The following EFCAB5 variants were observed in gnomAD, a reference collection of about 807,000 sequenced individuals.
EFCAB5 encodes EF-hand calcium binding domain 5, also known as EF-hand calcium-binding domain-containing protein 5.
In EFCAB5, 131 loss-of-function variants were observed where a neutral mutation model predicts 167.9. The ratio of observed to expected loss-of-function variants is 0.78; its 90% confidence interval spans 0.68 to 0.90. EFCAB5 has a LOEUF of 0.90. Among genes scored for constraint, EFCAB5 ranks in the 40% least tolerant of loss-of-function variants. EFCAB5 has a pLI of 0.00. For missense variants in EFCAB5, 1,663 were observed against 1,745.2 expected, an observed-to-expected ratio of 0.95 and a Z score of 0.84; for synonymous variants, 574 against 602.8, an observed-to-expected ratio of 0.95 and a Z score of 0.70.
At chr17:29,954,914 C>A (rs1267558121) in intron 3 of EFCAB5, among the ~76,000 whole-genome samples, 1 of 152,304 alleles carries the variant, frequency 6.6e-6, no homozygotes, top group South Asian at 2.1e-4. Context: ...CAGAGTCAAA[C>A]GAGATCATTT....
upstream of EFCAB5, among the ~76,000 whole-genome samples, chr17:29,937,605 A>AG (rs2067256503): frequency 6.6e-6 from 1 of 152,048 alleles, no homozygotes; most frequent in African/African-American, 2.4e-5. Context: ...AGGGAGTTTG[A>AG]GGGGAGGTTT....
intron 7 of EFCAB5, among the ~76,000 whole-genome samples, chr17:30,007,686 A>T (rs1341936305): frequency 6.6e-6 from 1 of 152,172 alleles, no homozygotes; most frequent in Admixed American, 6.5e-5. Flanking sequence ...TGCATCTCTG[A>T]AATCAGGGTG....
chr17:30,013,574 C>T (rs1177368155), intron 7 of EFCAB5, among the ~76,000 whole-genome samples: 2 of 151,714 alleles, frequency 1.3e-5, no homozygotes, highest in African/African-American at 2.4e-5. Context: ...TTCTAGATTC[C>T]CTAGTTTATT....
At chr17:29,979,110 G>A (rs1422748901) in intron 4 of EFCAB5, among the ~76,000 whole-genome samples, 2 of 152,118 alleles carry the variant, frequency 1.3e-5, no homozygotes, top group African/African-American at 2.4e-5. Context: ...TCAGCACTTT[G>A]GGAGGCCGAG....
chr17:29,951,401 G>A (rs748631309), intron 3 of EFCAB5, among the ~76,000 whole-genome samples: 8 of 152,008 alleles, frequency 5.3e-5, no homozygotes, highest in Non-Finnish European at 7.4e-5. Flanking sequence ...GCAGTGGGGC[G>A]ATCTCCGCTC....
chr17:30,058,898 C>T (rs1350174570), intron 13 of EFCAB5, among the ~76,000 whole-genome samples: 2 of 149,304 alleles, frequency 1.3e-5, no homozygotes, highest in Non-Finnish European at 3.0e-5. Flanking sequence ...TTTTAAAATA[C>T]AGTCTGTGTA....
At chr17:29,953,543 C>G (rs1474709560) in intron 3 of EFCAB5, among the ~76,000 whole-genome samples, 1 of 152,192 alleles carries the variant, frequency 6.6e-6, no homozygotes, top group African/African-American at 2.4e-5. Context: ...CATGTAAGAC[C>G]TGACTTTGCT....
chr17:30,082,987 G>GTCACATCCAGCATCACCTCCA lies in EFCAB5; in HGVS notation c.3528_3548dup (p.Ser1177_Thr1183dup), dbSNP rs2071019432. On this transcript the variant is annotated inframe_insertion, in exon 18 of 23. Transcript: ENST00000394835. ...CACTGGCATAGGCTGGCTTTATGAC[G>GTCACATCCAGCATCACCTCCA]TCACATCCAGCATCACCTCCATCAC... is the stretch of plus-strand genomic sequence containing the variant. 1.9e-6 allele frequency: 3 copies of GTCACATCCAGCATCACCTCCA among 1,613,856 alleles called. No homozygotes were observed. Among genetic ancestry groups the GTCACATCCAGCATCACCTCCA allele is most frequent in the Admixed American group, 3.3e-5 (2 of 59,998 alleles).
intron 4 of EFCAB5, 106 bp downstream of exon 4, chr17:29,969,473 G>A (rs2067905756): frequency 9.8e-7 from 1 of 1,023,814 alleles, no homozygotes; most frequent in African/African-American, 1.6e-5. Context: ...TGATTCTACA[G>A]TTATTCAGAA....
intron 22 of EFCAB5, among the ~76,000 whole-genome samples, chr17:30,094,032 A>G (rs2071248526): frequency 6.6e-6 from 1 of 152,204 alleles, no homozygotes; most frequent in South Asian, 2.1e-4. Flanking sequence ...GAATCTACCC[A>G]GAATGAAATG....
intron 7 of EFCAB5, 52 bp downstream of exon 7, chr17:30,000,028 T>C: frequency 7.2e-7 from 1 of 1,388,606 alleles, no homozygotes; most frequent in South Asian, 1.3e-5. Context: ...TCAGTTTCAA[T>C]TGTCTGTTGG....
Position 29,993,205 on chromosome 17 carries a change from CAA to C in EFCAB5, c.810_811del (p.Glu272LysfsTer23), listed in dbSNP as rs1291234018. ...GGAGAATGTTAAACAGAATAGAAAACAAAGAGAAAGCATAGACAAAATCATAG... is the reference window on the plus strand; with the variant it reads ...GGAGAATGTTAAACAGAATAGAAAACAGAGAAAGCATAGACAAAATCATAG... ...MKENVKQNRK[Q>X]RESIDKIIVK... On this transcript the variant is annotated frameshift_variant, in exon 5 of 23. Transcript: ENST00000394835. LOFTEE classifies it high-confidence loss of function. 6.2e-7 allele frequency: 1 copy of C among 1,612,876 alleles called. No individual in the cohort carries two copies. Among genetic ancestry groups the C allele is most frequent in the Admixed American group, 1.7e-5 (1 of 59,872 alleles).
intron 22 of EFCAB5, among the ~76,000 whole-genome samples, chr17:30,103,128 G>A (rs984762988): frequency 2.0e-5 from 3 of 151,458 alleles, no homozygotes; most frequent in Non-Finnish European, 2.9e-5. Flanking sequence ...CACTGCATCC[G>A]GCCAAAGGAC....
rs77179290 is a variant in EFCAB5, at chr17:29,982,958, G to A, written c.768-10207G>A. Among the ~76,000 whole-genome samples, 1,158 of 152,208 alleles carry A rather than the reference G, an allele frequency of 7.6e-3. 22 individuals are homozygous for A. Among genetic ancestry groups the A allele is most frequent in the African/African-American group, 0.026 (1,099 of 41,530 alleles). ...ATTATGCTTTTCTTTAAAAGGTCTCGAAACACTCATTCATATAGGAAAACT... is the reference window on the plus strand; with the variant it reads ...ATTATGCTTTTCTTTAAAAGGTCTCAAAACACTCATTCATATAGGAAAACT... On this transcript the variant is annotated intron_variant, in intron 4 of 22. Transcript: ENST00000394835.
chr17:29,977,382 T>A (rs2151599016), intron 4 of EFCAB5, among the ~76,000 whole-genome samples: 1 of 152,290 alleles, frequency 6.6e-6, no homozygotes, highest in South Asian at 2.1e-4. Flanking sequence ...AAAAGAAAAC[T>A]GTTAATGTTA....
At chr17:30,095,144 C>T (rs2071271118) in intron 22 of EFCAB5, among the ~76,000 whole-genome samples, 1 of 152,164 alleles carries the variant, frequency 6.6e-6, no homozygotes, top group Admixed American at 6.5e-5. Flanking sequence ...TGTTCTTAGA[C>T]CCAGAGGCAA....
intron 3 of EFCAB5, among the ~76,000 whole-genome samples, chr17:29,966,514 C>A (rs2067830660): frequency 6.6e-6 from 1 of 152,038 alleles, no homozygotes; most frequent in Admixed American, 6.6e-5. Context: ...GTGGCATGCA[C>A]CTGTAGTCCC....
In EFCAB5 at chr17:30,059,583, C is replaced by T; in HGVS notation, c.2619C>T (p.Leu873=). 6.2e-7 allele frequency: 1 copy of T among 1,610,614 alleles called. No individual in the cohort carries two copies. The highest frequency in any genetic ancestry group is 1.1e-5 in the South Asian group (1 of 90,666). ...QNAFQVRQRL[L]LEAIFQKWDS... Reference sequence around the variant, plus strand: ...CTTTCCAAGTCCGACAGAGGCTTCTCCTAGAAGCCATCTTTCAGAAGTGGG... The same window carrying T: ...CTTTCCAAGTCCGACAGAGGCTTCTTCTAGAAGCCATCTTTCAGAAGTGGG... Residue 873 remains leucine (L), a synonymous_variant, in exon 14 of 23, where the codon CTC becomes CTT. Coordinates refer to ENST00000394835, the MANE Select transcript of EFCAB5 (RefSeq NM_198529.4).
In EFCAB5 at chr17:30,078,346, G is replaced by A; in HGVS notation, c.2869G>A (p.Val957Ile). 1 of 1,614,028 alleles carries A rather than the reference G, an allele frequency of 6.2e-7. No homozygotes were observed. The highest frequency in any genetic ancestry group is 8.5e-7 in the Non-Finnish European group (1 of 1,179,892). The change falls in exon 15 of 23, where the codon GTT becomes ATT. Residue 957 changes from valine to isoleucine, a missense_variant. By Grantham distance (29) the Val-to-Ile change is conservative (BLOSUM62 3). Coordinates refer to ENST00000394835, the MANE Select transcript of EFCAB5 (RefSeq NM_198529.4). ...CAATGAAGACCAAGTTCTGGAAAGTGTTGTGGAATTTCTGATGAATGCTTT... is the reference window on the plus strand; with the variant it reads ...CAATGAAGACCAAGTTCTGGAAAGTATTGTGGAATTTCTGATGAATGCTTT... ...RGNEDQVLES[V>I]VEFLMNALER...
Sources: gnomAD v4.1 joint callset for allele counts (sites outside exome capture counted in the v4.1 genomes callset) on GRCh38, gnomAD v4.1.1 for gene constraint, MANE v1.5 for transcripts, NCBI Gene and HGNC (gene_info 2026-07-23, HGNC 2026-07-21) for gene names.